Variants in DNAH10 observed in about 807,000 individuals in gnomAD.
DNAH10 encodes axonemal beta dynein heavy chain 10.
Under a neutral mutation model 506.6 loss-of-function variants are expected in DNAH10, and 348 were observed. The ratio of observed to expected loss-of-function variants is 0.69; its 90% CI spans 0.63 to 0.75. DNAH10 has a LOEUF of 0.75. Ranked by LOEUF, DNAH10 falls within the 30% of genes least tolerant of loss-of-function variation. The pLI is 0.00. For synonymous variants in DNAH10, 2,059 were observed against 2,198.6 expected (o/e 0.94, Z 1.78); for missense variants, 5,179 against 5,787.1 (o/e 0.89, Z 3.41).
chr12:123,930,672 G>A, intron 73 of DNAH10, 99 bp downstream of exon 73: 1 of 1,372,500 alleles, frequency 7.3e-7, no homozygotes, highest in Non-Finnish European at 9.8e-7. Context: ...TCCTCGGCTG[G>A]TCAGGTGTGG....
At chr12:123,935,027 G>T in intron 78 of DNAH10, 2 of 606,166 alleles carry the variant, frequency 3.3e-6, no homozygotes, top group Non-Finnish European at 2.9e-6. Context: ...TAACCAAGGG[G>T]AGACTCCCTC....
Position 123,762,496 on chromosome 12 carries a change from T to C in DNAH10, c.160T>C (p.Ser54Pro). The change falls in exon 1 of 79, where the codon TCG becomes CCG. Residue 54 changes from serine (S) to proline (P), a missense_variant. By Grantham distance (74) the Ser-to-Pro change is moderately conservative. Around this residue, in one of 3 missense-constraint regions of DNAH10, gnomAD observed 326 missense variants for 330.8 expected, o/e 0.99. Coordinates refer to ENST00000673944, the MANE Select transcript of DNAH10 (RefSeq NM_001372106.1). The surrounding 1 kb of genome is among the most constrained non-coding windows in gnomAD (Gnocchi z 5.0). ...LNQASEEEGP[S>P]ALFIYRTMVP... ...CCAGGCGAGCGAGGAGGAGGGGCCCTCGGCGCTCTTCATCTACCGCACTAT... is the reference window on the plus strand; with the variant it reads ...CCAGGCGAGCGAGGAGGAGGGGCCCCCGGCGCTCTTCATCTACCGCACTAT... 3 of 1,530,170 alleles carry C rather than the reference T, an allele frequency of 2.0e-6. No individual in the cohort carries two copies. Among genetic ancestry groups the C allele is most frequent in the Non-Finnish European group, 2.6e-6 (3 of 1,136,102 alleles). 94.8% of individuals were successfully genotyped at this position (1,530,170 alleles called of 1,614,324 possible).
intron 5 of DNAH10, among the ~76,000 whole-genome samples, chr12:123,774,920 C>A (rs1382204848): frequency 6.6e-6 from 1 of 152,198 alleles, no homozygotes; most frequent in Non-Finnish European, 1.5e-5. Flanking sequence ...GTGGACAGGA[C>A]AGGCAATGGC....
intron 76 of DNAH10, chr12:123,932,690 A>G (rs908588343): frequency 6.5e-6 from 1 of 152,842 alleles, no homozygotes; most frequent in Admixed American, 6.5e-5. Context: ...CTCCGCTGCA[A>G]TGCTGCGTTC....
chr12:123,851,333 T>G, intron 35 of DNAH10, among the ~76,000 whole-genome samples: 1 of 144,528 alleles, frequency 6.9e-6, no homozygotes. Context: ...TCCATGTGGC[T>G]CTTCCAGACT....
rs1954532090 is a variant in DNAH10, at chr12:123,917,474, C to T, written c.11003-110C>T. On this transcript the variant is annotated intron_variant, in intron 63 of 78. Coordinates refer to ENST00000673944, the MANE Select transcript of DNAH10 (RefSeq NM_001372106.1). The surrounding 1 kb of genome is among the most constrained non-coding windows in gnomAD (Gnocchi z 5.6). ...TGGTGGGCAGTGAATCCTCGTGCCT[C>T]TGGCCTGCTGGCTGAGACCCGCGCT... 8.8e-7 allele frequency: 1 copy of T among 1,133,330 alleles called. No homozygotes were observed. The highest frequency in any genetic ancestry group is 1.5e-5 in the African/African-American group (1 of 64,668). The allele number at this position is 1,133,330 out of a possible 1,614,324, so 70.2% of individuals were successfully genotyped here.
At chr12:123,796,563 C>A in intron 12 of DNAH10, 93 bp from the exon 13 acceptor site, 1 of 1,161,266 alleles carries the variant, frequency 8.6e-7, no homozygotes, top group Non-Finnish European at 1.2e-6. Context: ...TTTTGACATT[C>A]CACTTTTGGT....
At chr12:123,918,979 T>G in intron 65 of DNAH10, 30 bp downstream of exon 65, 2 of 1,548,486 alleles carry the variant, frequency 1.3e-6, no homozygotes, top group Non-Finnish European at 1.8e-6. Context: ...GAGGACATGT[T>G]AGTGTAGTTT....
rs919612005 is a variant in DNAH10, at chr12:123,850,719, G to A, written c.6103-169G>A. ...ACCTGCCCTCCCCAAGGCCTTCAGC[G>A]AGGGGGGCCCTGCATTGAACACCGG... On this transcript the variant is annotated intron_variant, in intron 34 of 78. Coordinates refer to ENST00000673944, the MANE Select transcript of DNAH10 (RefSeq NM_001372106.1). The surrounding 1 kb of genome is among the most constrained non-coding windows in gnomAD (Gnocchi z 5.5). Among the ~76,000 whole-genome samples, 1 of 152,172 alleles carries A rather than the reference G, an allele frequency of 6.6e-6. No homozygotes were observed. The highest frequency in any genetic ancestry group is 1.5e-5 in the Non-Finnish European group (1 of 68,032).
At chr12:123,934,216 G>A (rs369734769) in intron 77 of DNAH10, 4 of 701,400 alleles carry the variant, frequency 5.7e-6, no homozygotes, top group South Asian at 1.5e-5. Context: ...GTGAGGCTTC[G>A]ACTTCCTGCT....
Position 123,916,697 on chromosome 12 carries a change from C to T in DNAH10, c.10963C>T (p.Pro3655Ser), listed in dbSNP as rs1954494987. 1 of 1,613,400 alleles carries T rather than the reference C, an allele frequency of 6.2e-7. No homozygotes were observed. The highest frequency in any genetic ancestry group is 1.1e-5 in the South Asian group (1 of 91,040). ...NTKLANPRYS[P>S]SVFGKAMVIN... ...CAAGCTGGCCAATCCCAGATATTCC[C>T]CATCCGTGTTTGGGAAAGCTATGGT... Residue 3655 changes from proline (P) to serine (S), a missense_variant, in exon 63 of 79, where the codon CCA becomes TCA. Pro to Ser is a moderately conservative substitution (Grantham distance 74). Transcript: ENST00000673944. The surrounding 1 kb of genome is among the most constrained non-coding windows in gnomAD (Gnocchi z 4.6).
chr12:123,832,367 A>C (rs1960657608), intron 26 of DNAH10, among the ~76,000 whole-genome samples: 1 of 152,238 alleles, frequency 6.6e-6, no homozygotes, highest in South Asian at 2.1e-4. Context: ...CACAATGTTC[A>C]GTGTACCCAA....
At chr12:123,799,105 C>CAA (rs138331705) in intron 13 of DNAH10, 141 bp from the exon 14 acceptor site, 2,838 of 286,318 alleles carry the variant, frequency 9.9e-3, no homozygotes, top group Non-Finnish European at 0.011. Context: ...ACTCCGTCTC[C>CAA]AAAAAAAAAA....
At chr12:123,835,373 C>A (rs752357446) in intron 27 of DNAH10, 33 bp from the exon 28 acceptor site, 3 of 1,609,056 alleles carry the variant, frequency 1.9e-6, no homozygotes, top group South Asian at 2.2e-5. Flanking sequence ...ATCTGATAAC[C>A]CCTGCTGACA....
intron 71 of DNAH10, 30 bp from the exon 72 acceptor site, chr12:123,929,634 G>A: frequency 6.2e-7 from 1 of 1,601,460 alleles, no homozygotes; most frequent in Non-Finnish European, 8.5e-7. Context: ...GTGGGTTTCA[G>A]TATAACTGAG....
In DNAH10 at chr12:123,847,984, G is replaced by T. The variant is rs1321107511; in HGVS notation, c.5838G>T (p.Gly1946=). The change falls in exon 33 of 79, where the codon GGG becomes GGT. Residue 1946 remains glycine (G), a synonymous_variant. Transcript: ENST00000673944. ...LTQALSMYLG[G]APAGPAGTGK... is the part of the protein sequence containing the mutation. ...AGGCGCTGTCCATGTATCTAGGTGG[G>T]GCCCCCGCCGGCCCAGCAGGAACCG... The T allele has an allele frequency of 6.2e-7, 1 of 1,613,096 alleles. No individual in the cohort carries two copies. The highest frequency in any genetic ancestry group is 1.3e-5 in the African/African-American group (1 of 74,942).
chr12:123,811,811 G>A (rs1285058060), intron 19 of DNAH10, among the ~76,000 whole-genome samples: 1 of 151,644 alleles, frequency 6.6e-6, no homozygotes, highest in African/African-American at 2.4e-5. Flanking sequence ...CCTAATTTTT[G>A]TATTTTTAGT....
chr12:123,795,776 C>G (rs1958253448), intron 12 of DNAH10, among the ~76,000 whole-genome samples: 1 of 152,100 alleles, frequency 6.6e-6, no homozygotes, highest in Non-Finnish European at 1.5e-5. Flanking sequence ...ATTACCCCCA[C>G]GAGAGCTCAG....
chr12:123,789,707 G>A (rs1271355796), intron 10 of DNAH10, among the ~76,000 whole-genome samples: 1 of 152,132 alleles, frequency 6.6e-6, no homozygotes, highest in African/African-American at 2.4e-5. Context: ...CTTGGAGGAG[G>A]GTGGGGGTGG....
Sources: allele counts gnomAD v4.1 joint callset (sites outside exome capture counted in the v4.1 genomes callset), GRCh38; gene constraint gnomAD v4.1.1; regional missense constraint gnomAD v4.1.1; non-coding constraint Gnocchi (gnomAD v3.1); transcripts MANE v1.5; gene names NCBI Gene and HGNC (gene_info 2026-07-23, HGNC 2026-07-21).